The following ZC3H12B variants were observed in gnomAD, a reference collection of about 807,000 sequenced individuals.
The protein encoded by ZC3H12B is zinc finger CCCH-type containing 12B.
In ZC3H12B, 7 loss-of-function variants were observed where a neutral mutation model predicts 43.9. The observed-to-expected ratio is 0.16, with a 90% CI of 0.09 to 0.30. The LOEUF is 0.30. ZC3H12B is among the 10% of genes least tolerant of loss of function. The pLI is 1.00. For synonymous variants in ZC3H12B, 222 were observed against 241.7 expected (o/e 0.92, Z 0.76); for missense variants, 475 against 670.2 (o/e 0.71, Z 3.22).
the ZC3H12B span, among the ~76,000 whole-genome samples, chrX:65,211,693 T>TTATATAA: frequency 2.2e-5 from 2 of 89,733 alleles, no homozygotes; most frequent in African/African-American, 8.2e-5. Flanking sequence ...ATATATAATA[T>TTATATAA]TATATAATAT....
chrX:65,277,331 T>C, the ZC3H12B span, among the ~76,000 whole-genome samples: 1 of 111,402 alleles, frequency 9.0e-6, no homozygotes, highest in African/African-American at 3.3e-5. Context: ...TCAACTAAGA[T>C]ACATCAGATT....
intron 2 of ZC3H12B, among the ~76,000 whole-genome samples, chrX:65,375,894 T>C (rs766224918): frequency 1.8e-5 from 2 of 111,677 alleles, no homozygotes; most frequent in Non-Finnish European, 3.8e-5. Context: ...GAGAGACTCC[T>C]CCTACTTGAG....
At chrX:65,297,294 G>A in the ZC3H12B span, among the ~76,000 whole-genome samples, 2 of 111,246 alleles carry the variant, frequency 1.8e-5, no homozygotes, top group African/African-American at 3.3e-5. Context: ...AATGAATTCA[G>A]TAAATTTTCA....
intron 2 of ZC3H12B, among the ~76,000 whole-genome samples, chrX:65,387,365 C>T (rs1263424854): frequency 1.8e-5 from 2 of 111,941 alleles, no homozygotes; most frequent in Non-Finnish European, 3.8e-5. Flanking sequence ...GTTAGATTTT[C>T]TTGTGGAACT....
At chrX:65,181,198 A>G in the ZC3H12B span, among the ~76,000 whole-genome samples, 1 of 112,103 alleles carries the variant, frequency 8.9e-6, no homozygotes, top group African/African-American at 3.2e-5. Context: ...CTGGCTAGCT[A>G]TATGCAGAAA....
the ZC3H12B span, among the ~76,000 whole-genome samples, chrX:65,178,721 A>C: frequency 6.8e-4 from 77 of 112,581 alleles, no homozygotes; most frequent in African/African-American, 2.4e-3. Context: ...ATACAATCTC[A>C]TGCCAGTTAG....
the ZC3H12B span, among the ~76,000 whole-genome samples, chrX:65,167,316 T>C: frequency 2.7e-5 from 3 of 112,203 alleles, no homozygotes; most frequent in Non-Finnish European, 5.6e-5. Flanking sequence ...TCCCCATTTC[T>C]GGTTTTTGTC....
chrX:65,292,842 G>A, the ZC3H12B span, among the ~76,000 whole-genome samples: 2 of 110,157 alleles, frequency 1.8e-5, no homozygotes, highest in Non-Finnish European at 3.8e-5. Flanking sequence ...AAATTAGCTG[G>A]GCATAGTGGT....
At chrX:65,372,374 A>G (rs2066257061) in intron 2 of ZC3H12B, among the ~76,000 whole-genome samples, 1 of 111,140 alleles carries the variant, frequency 9.0e-6, no homozygotes, top group African/African-American at 3.3e-5. Context: ...TGGGGAAGCA[A>G]CAGAGGTTTA....
the ZC3H12B span, among the ~76,000 whole-genome samples, chrX:65,269,612 G>T: frequency 1.8e-5 from 2 of 110,322 alleles, no homozygotes; most frequent in Non-Finnish European, 3.8e-5. Flanking sequence ...CAAGCCTCCT[G>T]CCTCAGCCTC....
chrX:65,262,218 C>G, the ZC3H12B span, among the ~76,000 whole-genome samples: 1 of 111,136 alleles, frequency 9.0e-6, no homozygotes, highest in Non-Finnish European at 1.9e-5. Context: ...AACTGTTTTT[C>G]AAGTCATTCA....
the ZC3H12B span, among the ~76,000 whole-genome samples, chrX:65,349,591 G>C: frequency 1.8e-5 from 2 of 111,250 alleles, no homozygotes; most frequent in Non-Finnish European, 3.8e-5. Flanking sequence ...TTTTTGAAAA[G>C]ATCAACAAAA....
chrX:65,144,895 T>C, the ZC3H12B span, among the ~76,000 whole-genome samples: 2 of 111,984 alleles, frequency 1.8e-5, no homozygotes, highest in Non-Finnish European at 3.8e-5. Context: ...TATCATTTGG[T>C]CTATCTTGGA....
At chrX:65,104,296 A>T in the ZC3H12B span, among the ~76,000 whole-genome samples, 1 of 111,816 alleles carries the variant, frequency 8.9e-6, no homozygotes, top group Non-Finnish European at 1.9e-5. Context: ...TTAAAACCTA[A>T]AACCATGAAA....
the ZC3H12B span, among the ~76,000 whole-genome samples, chrX:65,055,376 GC>G: frequency 8.9e-6 from 1 of 111,764 alleles, no homozygotes; most frequent in Non-Finnish European, 1.9e-5. Context: ...CTGTTTATAT[GC>G]TGGATTACGT....
the ZC3H12B span, among the ~76,000 whole-genome samples, chrX:65,092,627 A>G: frequency 2.7e-5 from 3 of 111,895 alleles, no homozygotes; most frequent in Non-Finnish European, 3.8e-5. Flanking sequence ...GAGCTTGGGA[A>G]TGATGATTTA....
intron 3 of ZC3H12B, among the ~76,000 whole-genome samples, chrX:65,451,359 C>T (rs1351166069): frequency 1.8e-5 from 2 of 111,581 alleles, no homozygotes; most frequent in Non-Finnish European, 3.8e-5. Flanking sequence ...GTGTATGGAA[C>T]TTCTTTTAAG....
the ZC3H12B span, among the ~76,000 whole-genome samples, chrX:65,232,265 G>A: frequency 3.6e-5 from 4 of 110,348 alleles, no homozygotes; most frequent in East Asian, 5.7e-4. Context: ...ATAAAATAAC[G>A]TAGGACAGGT....
At chrX:65,288,710 C>T in the ZC3H12B span, among the ~76,000 whole-genome samples, 1 of 111,652 alleles carries the variant, frequency 9.0e-6, no homozygotes, top group African/African-American at 3.2e-5. Flanking sequence ...ACTTTCACCA[C>T]TTCTATTCAG....
Sources: gnomAD v4.1 joint callset for allele counts (sites outside exome capture counted in the v4.1 genomes callset) on GRCh38, gnomAD v4.1.1 for gene constraint, MANE v1.5 for transcripts, NCBI Gene and HGNC (gene_info 2026-07-23, HGNC 2026-07-21) for gene names.